Variants in PDS5B observed in about 807,000 individuals in gnomAD.
The protein encoded by PDS5B is PDS5 cohesin associated factor B.
A neutral mutation model predicts 184.1 loss-of-function variants in PDS5B; 51 were observed. That is an observed-to-expected ratio of 0.28 (90% CI 0.22 to 0.35). The LOEUF (loss-of-function observed/expected upper bound fraction) is 0.35. Ranked by LOEUF, PDS5B falls within the 10% of genes least tolerant of loss-of-function variation. The pLI, the probability that PDS5B is intolerant of heterozygous loss-of-function variation, is 1.00. For missense variants in PDS5B, 1,180 were observed against 1,723.3 expected, an observed-to-expected ratio of 0.68 and a Z score of 5.58; for synonymous variants, 566 against 569.2, an observed-to-expected ratio of 0.99 and a Z score of 0.08.
In PDS5B at chr13:32,644,234, A is replaced by G. The variant is rs563693532; in HGVS notation, c.-19-4520A>G. Among the ~76,000 whole-genome samples the G allele has an allele frequency of 2.0e-5, 3 of 152,184 alleles. No individual in the cohort carries two copies. In the South Asian group the frequency reaches 6.2e-4, roughly 32 times the overall value. ...ACTTATGGTGGTTCAACTTAGGACA[A>G]TTTTTTGACTTTATGATGGTGTGAA... is the stretch of plus-strand genomic sequence containing the variant. On this transcript the variant is annotated intron_variant, in intron 1 of 34. Coordinates refer to ENST00000315596, the MANE Select transcript of PDS5B (RefSeq NM_015032.4).
chr13:32,658,569 G>A, intron 5 of PDS5B, 38 bp downstream of exon 5: 1 of 1,090,104 alleles, frequency 9.2e-7, no homozygotes, highest in Non-Finnish European at 1.3e-6. Context: ...ATTAAAAAAA[G>A]GTAACAAATT....
At chr13:32,733,985 A>ACAC (rs1953218446) in intron 20 of PDS5B, among the ~76,000 whole-genome samples, 1 of 141,972 alleles carries the variant, frequency 7.0e-6, no homozygotes, top group Non-Finnish European at 1.5e-5. Flanking sequence ...CAAAAATTAA[A>ACAC]ACACACACAC....
At position 32,758,635 on chromosome 13, in the gene PDS5B, C is replaced by G; in HGVS notation, c.3291C>G (p.Phe1097Leu). 1 of 1,613,618 alleles carries G rather than the reference C, an allele frequency of 6.2e-7. No individual in the cohort carries two copies. The highest frequency in any genetic ancestry group is 8.5e-7 in the Non-Finnish European group (1 of 1,179,682). Residue 1097 changes from phenylalanine to leucine, a missense_variant, in exon 28 of 35, where the codon TTC becomes TTG. By Grantham distance (22) the Phe-to-Leu change is conservative. This residue lies in a region of PDS5B where 465 missense variants were observed against 497.8 expected (regional missense o/e 0.93). Transcript: ENST00000315596. ...SPKDPVLPARFFTQPDKNFSN... is the reference protein window; with the variant it reads ...SPKDPVLPARLFTQPDKNFSN... ...AAGACCCGGTACTACCAGCTCGTTT[C>G]TTCACTCAACCTGACAAGGTAGTTA... is the stretch of plus-strand genomic sequence containing the variant.
chr13:32,611,352 A>G (rs1365002083), intron 1 of PDS5B, among the ~76,000 whole-genome samples: 1 of 151,960 alleles, frequency 6.6e-6, no homozygotes, highest in Non-Finnish European at 1.5e-5. Context: ...GGTTTAGTTA[A>G]GGTCCTTATT....
intron 1 of PDS5B, among the ~76,000 whole-genome samples, chr13:32,646,269 G>C (rs377193275): frequency 6.6e-6 from 1 of 151,778 alleles, no homozygotes; most frequent in Non-Finnish European, 1.5e-5. Flanking sequence ...AGCCTTCCCA[G>C]ATGCTGGGAT....
At chr13:32,673,166 A>C (rs376408559) in intron 7 of PDS5B, 50 bp from the exon 8 acceptor site, 1 of 1,515,980 alleles carries the variant, frequency 6.6e-7, no homozygotes. Flanking sequence ...AAAACATTCA[A>C]CTTGTCTCTG....
chr13:32,770,005 A>G (rs1331790881), intron 31 of PDS5B, 116 bp from the exon 32 acceptor site: 5 of 791,938 alleles, frequency 6.3e-6, no homozygotes, highest in Non-Finnish European at 9.9e-6. Flanking sequence ...TAAGAGCTGT[A>G]TATTTTAGGT....
chr13:32,604,646 T>C (rs893144809), intron 1 of PDS5B, among the ~76,000 whole-genome samples: 21 of 152,246 alleles, frequency 1.4e-4, no homozygotes, highest in Non-Finnish European at 2.6e-4. Flanking sequence ...TCAGAAGGAA[T>C]GGTACCAGCT....
intron 24 of PDS5B, among the ~76,000 whole-genome samples, chr13:32,752,381 T>C (rs1954016830): frequency 1.3e-5 from 2 of 152,186 alleles, no homozygotes; most frequent in South Asian, 4.1e-4. Flanking sequence ...GGTCTTGGAA[T>C]GTATCCTCTA....
intron 10 of PDS5B, among the ~76,000 whole-genome samples, chr13:32,683,404 T>C (rs1566323279): frequency 6.8e-6 from 1 of 146,278 alleles, no homozygotes; most frequent in Non-Finnish European, 1.5e-5. Flanking sequence ...CACCGCAGCC[T>C]CTCCCTACTG....
chr13:32,741,043 A>AGCT, intron 21 of PDS5B, 37 bp from the exon 22 acceptor site: 1 of 872,578 alleles, frequency 1.1e-6, no homozygotes, highest in East Asian at 2.6e-5. Flanking sequence ...TACATTTTAA[A>AGCT]GTCCCTGGTT....
intron 19 of PDS5B, among the ~76,000 whole-genome samples, chr13:32,711,837 A>G (rs1952215165): frequency 6.6e-6 from 1 of 152,238 alleles, no homozygotes; most frequent in Non-Finnish European, 1.5e-5. Flanking sequence ...TAAACTGTAT[A>G]TAACAGTATA....
At chr13:32,762,585 T>C (rs1422412514) in intron 30 of PDS5B, among the ~76,000 whole-genome samples, 1 of 152,112 alleles carries the variant, frequency 6.6e-6, no homozygotes, top group Non-Finnish European at 1.5e-5. Context: ...TTTTCTAAAT[T>C]ACTGGTTTTT....
At chr13:32,741,871 C>A (rs1254078279) in intron 22 of PDS5B, among the ~76,000 whole-genome samples, 1 of 152,038 alleles carries the variant, frequency 6.6e-6, no homozygotes, top group African/African-American at 2.4e-5. Context: ...TACTTTGAGT[C>A]TCAGTATAAA....
chr13:32,596,045 A>G (rs543296390), intron 1 of PDS5B, among the ~76,000 whole-genome samples: 1 of 152,228 alleles, frequency 6.6e-6, no homozygotes, highest in Non-Finnish European at 1.5e-5. Context: ...TCACAGATTT[A>G]TTTAGAAATA....
chr13:32,632,523 G>A (rs2058474548), intron 1 of PDS5B, among the ~76,000 whole-genome samples: 1 of 152,320 alleles, frequency 6.6e-6, no homozygotes, highest in Admixed American at 6.5e-5. Flanking sequence ...CTGTTGAAGA[G>A]GATGTGGAAA....
chr13:32,678,684 CAG>C (rs1220009989), intron 9 of PDS5B, 149 bp from the exon 10 acceptor site: 2 of 578,032 alleles, frequency 3.5e-6, no homozygotes, highest in Non-Finnish European at 3.1e-6. Flanking sequence ...ACATGTATAT[CAG>C]AAACTTTGTA....
At chr13:32,712,517 C>T (rs1308444754) in intron 19 of PDS5B, among the ~76,000 whole-genome samples, 1 of 151,788 alleles carries the variant, frequency 6.6e-6, no homozygotes, top group Non-Finnish European at 1.5e-5. Context: ...AACTGTCTTC[C>T]CTTGAATTCA....
chr13:32,589,153 T>G (rs532174466), intron 1 of PDS5B, among the ~76,000 whole-genome samples: 2 of 152,352 alleles, frequency 1.3e-5, no homozygotes, highest in Admixed American at 6.5e-5. Flanking sequence ...TCCAACTCAC[T>G]TATACATGAG....
Sources: gnomAD v4.1 joint callset for allele counts (sites outside exome capture counted in the v4.1 genomes callset) on GRCh38, gnomAD v4.1.1 for gene constraint, gnomAD v4.1.1 regional missense constraint, MANE v1.5 for transcripts, NCBI Gene and HGNC (gene_info 2026-07-23, HGNC 2026-07-21) for gene names.